The following SGCZ variants were observed in gnomAD, a reference collection of about 807,000 sequenced individuals.
The protein encoded by SGCZ is sarcoglycan zeta.
In SGCZ, 40 loss-of-function variants were observed where a neutral mutation model predicts 41.3. The ratio of observed to expected loss-of-function variants is 0.97; its 90% confidence interval spans 0.75 to 1.26. SGCZ has a LOEUF of 1.26. SGCZ is among the 50% of genes most tolerant of loss of function. SGCZ has a pLI of 0.00. For missense variants in SGCZ, 552 were observed against 369.8 expected (o/e 1.49, Z -4.04); for synonymous variants, 206 against 137.5 (o/e 1.50, Z -3.49).
Position 15,232,737 on chromosome 8 carries a change from A to G in SGCZ, c.39+4848T>C, listed in dbSNP as rs1264217361. Among the ~76,000 whole-genome samples the G allele has an allele frequency of 3.4e-5, 5 of 145,434 alleles. No homozygotes were observed. In the East Asian group the frequency reaches 8.0e-4, roughly 23 times the overall value. ...TATGTGTGTATATATATACATATAT[A>G]TGTGTGTATATATATACATATATAT... On this transcript the variant is annotated intron_variant, in intron 1 of 7. Coordinates refer to ENST00000382080, the MANE Select transcript of SGCZ (RefSeq NM_139167.4).
At chr8:14,431,625 A>G (rs1799944222) in intron 2 of SGCZ, among the ~76,000 whole-genome samples, 1 of 152,220 alleles carries the variant, frequency 6.6e-6, no homozygotes, top group African/African-American at 2.4e-5. Context: ...ACATTGGCTT[A>G]GGCAGGAATT....
At chr8:14,220,398 G>C (rs898760563) in intron 4 of SGCZ, among the ~76,000 whole-genome samples, 2 of 152,104 alleles carry the variant, frequency 1.3e-5, no homozygotes, top group South Asian at 2.1e-4. Context: ...ATCAAATAAT[G>C]GTTTAGCTTT....
At chr8:14,698,555 GC>G (rs1809037136) in intron 1 of SGCZ, among the ~76,000 whole-genome samples, 1 of 151,768 alleles carries the variant, frequency 6.6e-6, no homozygotes, top group South Asian at 2.1e-4. Context: ...GAGACAAAAT[GC>G]TTTTCCAGAA....
chr8:14,503,597 A>G (rs1365456135), intron 2 of SGCZ, among the ~76,000 whole-genome samples: 1 of 151,942 alleles, frequency 6.6e-6, no homozygotes, highest in Non-Finnish European at 1.5e-5. Flanking sequence ...CTAAGTCCCA[A>G]TCTCTACTGA....
At chr8:14,127,431 G>GTGAT (rs891538447) in intron 5 of SGCZ, among the ~76,000 whole-genome samples, 31 of 151,912 alleles carry the variant, frequency 2.0e-4, no homozygotes, top group Admixed American at 1.9e-3. Context: ...TTTTAATATT[G>GTGAT]TGATTTATTT....
chr8:15,007,919 T>C (rs922498886), intron 1 of SGCZ, among the ~76,000 whole-genome samples: 11 of 152,188 alleles, frequency 7.2e-5, no homozygotes, highest in Admixed American at 5.9e-4. Flanking sequence ...TTCAAATATG[T>C]TTTTATTGTA....
chr8:14,253,946 A>ATTTG (rs1563214914), intron 3 of SGCZ, among the ~76,000 whole-genome samples: 3 of 77,600 alleles, frequency 3.9e-5, no homozygotes, highest in Non-Finnish European at 8.1e-5. Flanking sequence ...TCTGCTTTTC[A>ATTTG]TGAAACATTT....
intron 1 of SGCZ, among the ~76,000 whole-genome samples, chr8:15,186,788 C>G (rs754494870): frequency 4.6e-5 from 7 of 152,118 alleles, no homozygotes; most frequent in Non-Finnish European, 7.4e-5. Context: ...ATTAGTGAGA[C>G]AAAGAAGTCT....
At chr8:14,359,893 A>G (rs1239490660) in intron 2 of SGCZ, among the ~76,000 whole-genome samples, 1 of 152,134 alleles carries the variant, frequency 6.6e-6, no homozygotes, top group Non-Finnish European at 1.5e-5. Context: ...CAAATTCATC[A>G]ATATGTTAAA....
intron 2 of SGCZ, among the ~76,000 whole-genome samples, chr8:14,489,301 A>G (rs962960552): frequency 6.6e-6 from 1 of 152,150 alleles, no homozygotes; most frequent in African/African-American, 2.4e-5. Flanking sequence ...ACAATTTGGC[A>G]TATTTCTTTC....
chr8:14,385,383 T>C (rs1350162546), intron 2 of SGCZ, among the ~76,000 whole-genome samples: 2 of 152,126 alleles, frequency 1.3e-5, no homozygotes, highest in African/African-American at 4.8e-5. Context: ...TACATGCCAC[T>C]AGGGTCAAGC....
intron 1 of SGCZ, among the ~76,000 whole-genome samples, chr8:14,575,778 T>G (rs1254885772): frequency 1.4e-4 from 22 of 151,854 alleles, no homozygotes; most frequent in Admixed American, 1.4e-3. Flanking sequence ...TGGCGGAACA[T>G]GCCTGTAATC....
At chr8:14,713,705 A>AC (rs1809596275) in intron 1 of SGCZ, among the ~76,000 whole-genome samples, 1 of 136,684 alleles carries the variant, frequency 7.3e-6, no homozygotes, top group East Asian at 1.9e-4. Flanking sequence ...GAAAAAAAAA[A>AC]AAGCTAAAGA....
intron 1 of SGCZ, among the ~76,000 whole-genome samples, chr8:15,196,400 A>C (rs1800732765): frequency 6.6e-6 from 1 of 152,244 alleles, no homozygotes; most frequent in African/African-American, 2.4e-5. Context: ...TGCAGGTATC[A>C]AAAGTCCAGT....
chr8:15,083,604 A>C (rs973000811), intron 1 of SGCZ, among the ~76,000 whole-genome samples: 1 of 152,124 alleles, frequency 6.6e-6, no homozygotes, highest in African/African-American at 2.4e-5. Flanking sequence ...GCTGGAGTCC[A>C]GTGGTTCTAT....
chr8:15,225,228 G>A (rs1306088088), intron 1 of SGCZ, among the ~76,000 whole-genome samples: 1 of 152,042 alleles, frequency 6.6e-6, no homozygotes, highest in Non-Finnish European at 1.5e-5. Flanking sequence ...TTGGTATTAT[G>A]CAGGCCATTT....
At chr8:14,636,928 C>T (rs1268801898) in intron 1 of SGCZ, among the ~76,000 whole-genome samples, 8 of 151,884 alleles carry the variant, frequency 5.3e-5, no homozygotes, top group Non-Finnish European at 8.8e-5. Context: ...AAAATGTTTA[C>T]GTTCCCTGAC....
chr8:15,144,450 G>A (rs1026762860), intron 1 of SGCZ, among the ~76,000 whole-genome samples: 7 of 149,434 alleles, frequency 4.7e-5, no homozygotes, highest in Admixed American at 4.7e-4. Flanking sequence ...ACAGTTTGTT[G>A]TCTTAGCAGG....
intron 2 of SGCZ, among the ~76,000 whole-genome samples, chr8:14,363,961 G>A (rs544036935): frequency 1.3e-5 from 2 of 152,080 alleles, no homozygotes; most frequent in South Asian, 2.1e-4. Context: ...CAAATTGAGT[G>A]CAGAAGTAAC....
Sources: gnomAD v4.1 joint callset for allele counts (sites outside exome capture counted in the v4.1 genomes callset) on GRCh38, gnomAD v4.1.1 for gene constraint, MANE v1.5 for transcripts, NCBI Gene and HGNC (gene_info 2026-07-23, HGNC 2026-07-21) for gene names.